Variants in AGO3 observed in about 807,000 individuals in gnomAD.
The protein encoded by AGO3 is protein argonaute-3.
A neutral mutation model predicts 105.5 loss-of-function variants in AGO3; 16 were observed. The observed-to-expected ratio is 0.15, with a 90% CI of 0.10 to 0.23. The LOEUF (loss-of-function observed/expected upper bound fraction) is 0.23. AGO3 is among the 10% of genes least tolerant of loss of function. The probability of loss-of-function intolerance (pLI) is 1.00; values close to 1 mark genes in which losing one functional copy is unlikely to be tolerated. For synonymous variants in AGO3, 340 were observed against 367.3 expected (o/e 0.93, Z 0.85); for missense variants, 534 against 1,088.0 (o/e 0.49, Z 7.16).
In AGO3 at chr1:36,057,573, A is replaced by G. The variant is rs1642961208; in HGVS notation, c.*1828A>G. 6.6e-6 allele frequency: 1 copy of G among 152,196 alleles called. No homozygotes were observed. Among genetic ancestry groups the G allele is most frequent in the Non-Finnish European group, 1.5e-5 (1 of 68,048 alleles). 9.4% of individuals were successfully genotyped at this position (152,196 alleles called of 1,614,324 possible). A position where few individuals can be genotyped will look rare whatever the true frequency, so the allele number is the denominator to read the frequency against. On this transcript the variant is annotated 3_prime_UTR_variant, in exon 19 of 19. Coordinates refer to ENST00000373191, the MANE Select transcript of AGO3 (RefSeq NM_024852.4). Reference sequence around the variant, plus strand: ...AGTTGTGTCTGCATCTTTACCATGGATAGTAGGAGGAACAGGCACCTCCAT... The same window carrying G: ...AGTTGTGTCTGCATCTTTACCATGGGTAGTAGGAGGAACAGGCACCTCCAT...
intron 2 of AGO3, among the ~76,000 whole-genome samples, chr1:35,952,130 TTCTTTCTTTCTTTCTTTC>T (rs1646482021): frequency 8.8e-6 from 1 of 113,334 alleles, no homozygotes; most frequent in Admixed American, 1.0e-4. Context: ...CTTTCTTTCT[TTCTTTCTTTCTTTCTTTC>T]TTTTTTTTTT....
chr1:35,997,673 C>T lies in AGO3; in HGVS notation c.659-6668C>T, dbSNP rs1043818352. On this transcript the variant is annotated intron_variant, in intron 5 of 18. Transcript: ENST00000373191. ...TGATGTGTTTATTAGGATGTAATCC[C>T]GTTTTAAGTCAAGGAGCATCTGTAT... 8.6e-4 allele frequency among the ~76,000 whole-genome samples: 131 copies of T among 152,208 alleles called. 1 individual carries two copies. The highest frequency in any genetic ancestry group is 3.1e-3 in the African/African-American group (129 of 41,552).
chr1:35,985,144 G>A (rs928128588), intron 5 of AGO3, among the ~76,000 whole-genome samples: 5 of 151,976 alleles, frequency 3.3e-5, no homozygotes, highest in African/African-American at 7.2e-5. Flanking sequence ...TTAGCCAGGC[G>A]TAGAGGTGTG....
intron 1 of AGO3, among the ~76,000 whole-genome samples, chr1:35,934,030 T>G (rs1230891013): frequency 6.6e-6 from 1 of 152,214 alleles, no homozygotes; most frequent in Non-Finnish European, 1.5e-5. Context: ...TAGTTAAAAA[T>G]TAATCAACAG....
chr1:36,058,995 T>G lies in AGO3; in HGVS notation c.*3250T>G, dbSNP rs1210991768. 1 of 152,206 alleles carries G rather than the reference T, an allele frequency of 6.6e-6. No individual in the cohort carries two copies. The highest frequency in any genetic ancestry group is 1.5e-5 in the Non-Finnish European group (1 of 68,028). The allele number at this position is 152,206 out of a possible 1,614,324, so 9.4% of individuals were successfully genotyped here. A position where few individuals can be genotyped will look rare whatever the true frequency, so the allele number is the denominator to read the frequency against. On this transcript the variant is annotated 3_prime_UTR_variant, in exon 19 of 19. Coordinates refer to ENST00000373191, the MANE Select transcript of AGO3 (RefSeq NM_024852.4). ...CTGCACAGATTCATGTGGGAAACTT[T>G]AGGGAATGACTGTAGATACCCTTTC...
At chr1:36,043,231 T>G in intron 16 of AGO3, 1 of 521,454 alleles carries the variant, frequency 1.9e-6, no homozygotes, top group Non-Finnish European at 3.4e-6. Context: ...AGAGACTGTA[T>G]TAGGTTTTGT....
chr1:35,945,666 C>CTTTTTTT, intron 1 of AGO3, 26 bp from the exon 2 acceptor site: 4 of 1,585,094 alleles, frequency 2.5e-6, no homozygotes, highest in Admixed American at 3.5e-5. Context: ...AACTGTGACT[C>CTTTTTTT]TTTTTTTTTC....
Position 36,055,725 on chromosome 1 carries a change from C to T in AGO3, c.2563C>T (p.Arg855Cys), listed in dbSNP as rs765473330. The T allele has an allele frequency of 3.1e-6, 5 of 1,614,142 alleles. No homozygotes were observed. Among genetic ancestry groups the T allele is most frequent in the Non-Finnish European group, 3.4e-6 (4 of 1,180,030 alleles). Residue 855 changes from arginine (R) to cysteine (C), a missense_variant, in exon 19 of 19, where the codon CGC (arginine) becomes TGC (cysteine). By Grantham distance (180) the Arg-to-Cys change is radical. Around this residue, in one of 2 missense-constraint regions of AGO3, gnomAD observed 373 missense variants for 854.0 expected, o/e 0.44. Coordinates refer to ENST00000373191, the MANE Select transcript of AGO3 (RefSeq NM_024852.4). The surrounding 1 kb of genome is among the most constrained non-coding windows in gnomAD (Gnocchi z 4.4). Reference sequence around the variant, plus strand: ...TGTACAGATTCACCAAGATACCTTACGCACAATGTACTTCGCTTAAATAGT... The same window carrying T: ...TGTACAGATTCACCAAGATACCTTATGCACAATGTACTTCGCTTAAATAGT... ...KAVQIHQDTL[R>C]TMYFA
At chr1:36,035,490 T>C (rs1641962104) in intron 13 of AGO3, among the ~76,000 whole-genome samples, 1 of 152,246 alleles carries the variant, frequency 6.6e-6, no homozygotes, top group African/African-American at 2.4e-5. Context: ...TTTATACTTT[T>C]GGCCAGGGAG....
At position 35,959,455 on chromosome 1, in the gene AGO3, A is replaced by C. The variant is rs140607991; in HGVS notation, c.192-7500A>C. 3.5e-3 allele frequency among the ~76,000 whole-genome samples: 531 copies of C among 152,326 alleles called. 1 individual carries two copies. Among genetic ancestry groups the C allele is most frequent in the Non-Finnish European group, 6.0e-3 (408 of 68,002 alleles). Reference sequence around the variant, plus strand: ...CTTTTCTTCTCAGACTAAGGTTATTAGTGAAAGGAAGCCACTAAAGATTGG... The same window carrying C: ...CTTTTCTTCTCAGACTAAGGTTATTCGTGAAAGGAAGCCACTAAAGATTGG... On this transcript the variant is annotated intron_variant, in intron 2 of 18. Coordinates refer to ENST00000373191, the MANE Select transcript of AGO3 (RefSeq NM_024852.4).
chr1:35,960,532 G>A (rs1407659611), intron 2 of AGO3, among the ~76,000 whole-genome samples: 2 of 151,870 alleles, frequency 1.3e-5, no homozygotes, highest in Admixed American at 6.6e-5. Context: ...ATTTGGCCAG[G>A]CACAGTGGCT....
At chr1:36,024,133 C>T (rs979634852) in intron 11 of AGO3, among the ~76,000 whole-genome samples, 7 of 147,222 alleles carry the variant, frequency 4.8e-5, no homozygotes, top group Admixed American at 3.4e-4. Context: ...ATTTGACTGA[C>T]TCCTTTTTTT....
chr1:35,944,194 T>G (rs917342840), intron 1 of AGO3, among the ~76,000 whole-genome samples: 4 of 152,120 alleles, frequency 2.6e-5, no homozygotes, highest in Admixed American at 6.5e-5. Context: ...TACCATTTTA[T>G]AGTTCCACCA....
chr1:35,967,270 T>C (rs573090280), intron 3 of AGO3, among the ~76,000 whole-genome samples, 195 bp downstream of exon 3: 1 of 152,304 alleles, frequency 6.6e-6, no homozygotes, highest in Non-Finnish European at 1.5e-5. Flanking sequence ...ATACACCCTT[T>C]ATGTAGCTTC....
chr1:35,994,793 A>C (rs1241883118), intron 5 of AGO3, among the ~76,000 whole-genome samples: 1 of 152,222 alleles, frequency 6.6e-6, no homozygotes, highest in South Asian at 2.1e-4. Flanking sequence ...AATAAATATA[A>C]AGATGTGCAT....
At chr1:35,977,263 T>TA (rs938549127) in intron 5 of AGO3, among the ~76,000 whole-genome samples, 17 of 144,502 alleles carry the variant, frequency 1.2e-4, no homozygotes, top group South Asian at 2.2e-4. Flanking sequence ...TTTTTTTAAT[T>TA]AAAAAAAAAA....
intron 1 of AGO3, among the ~76,000 whole-genome samples, chr1:35,942,144 T>C (rs559033426): frequency 6.6e-6 from 1 of 152,160 alleles, no homozygotes; most frequent in South Asian, 2.1e-4. Flanking sequence ...AAGAGATTTT[T>C]AAAAAAACAC....
At chr1:35,961,044 C>T (rs1224788121) in intron 2 of AGO3, among the ~76,000 whole-genome samples, 2 of 151,212 alleles carry the variant, frequency 1.3e-5, no homozygotes, top group Non-Finnish European at 2.9e-5. Context: ...CCCGGGTTCA[C>T]ACCATTCTCC....
In AGO3 at chr1:36,055,528, C is replaced by G; in HGVS notation, c.2475-109C>G. The G allele has an allele frequency of 9.8e-7, 1 of 1,022,176 alleles. No individual in the cohort carries two copies. Among genetic ancestry groups the G allele is most frequent in the Non-Finnish European group, 1.5e-6 (1 of 673,832 alleles). The allele number at this position is 1,022,176 out of a possible 1,614,324, so 63.3% of individuals were successfully genotyped here. ...TGGACACATAGATTGTTACACCAGTCTCTTATTTGTTAATAATTTTGAAAT... is the reference window on the plus strand; with the variant it reads ...TGGACACATAGATTGTTACACCAGTGTCTTATTTGTTAATAATTTTGAAAT... On this transcript the variant is annotated intron_variant, in intron 18 of 18. Transcript: ENST00000373191. This position sits in a 1 kb window ranked among gnomAD's most constrained non-coding sequence, Gnocchi z 4.4.
Sources: gnomAD v4.1 joint callset for allele counts (sites outside exome capture counted in the v4.1 genomes callset) on GRCh38, gnomAD v4.1.1 for gene constraint, gnomAD v4.1.1 regional missense constraint, Gnocchi (gnomAD v3.1) non-coding constraint, MANE v1.5 for transcripts, NCBI Gene and HGNC (gene_info 2026-07-23, HGNC 2026-07-21) for gene names.